TAC4: variants seen among roughly 807,000 people sequenced by gnomAD.
The protein encoded by TAC4 is tachykinin-4.
Under a neutral mutation model 17.7 loss-of-function variants are expected in TAC4, and 17 were observed. The ratio of observed to expected loss-of-function variants is 0.96; its 90% CI spans 0.66 to 1.44. The LOEUF (loss-of-function observed/expected upper bound fraction) is 1.44. TAC4 is among the 40% of genes most tolerant of loss of function. The probability of loss-of-function intolerance (pLI) is 0.00; values close to 1 mark genes in which losing one functional copy is unlikely to be tolerated. For synonymous variants in TAC4, 62 were observed against 52.4 expected, an observed-to-expected ratio of 1.18 and a Z score of -0.79; for missense variants, 118 against 125.6, an observed-to-expected ratio of 0.94 and a Z score of 0.29.
intron 2 of TAC4, 31 bp from the exon 3 acceptor site, chr17:49,841,615 G>C: frequency 6.5e-7 from 1 of 1,536,536 alleles, no homozygotes; most frequent in South Asian, 1.3e-5. Flanking sequence ...GAGGACTACG[G>C]ACTGCACTGC....
intron 3 of TAC4, among the ~76,000 whole-genome samples, chr17:49,840,925 C>T (rs2074493132): frequency 1.6e-5 from 2 of 125,798 alleles, no homozygotes; most frequent in African/African-American, 6.4e-5. Context: ...GACAGAGTCT[C>T]CCTCTGTCAC....
At chr17:49,847,848 ACTGCCGATTATCCC>A (rs2074557145) in intron 1 of TAC4, 51 bp downstream of exon 1, 2 of 1,611,800 alleles carry the variant, frequency 1.2e-6, no homozygotes, top group Non-Finnish European at 1.7e-6. Flanking sequence ...CTGCCTCTGC[ACTGCCGATTATCCC>A]CTGCCCTCGT....
intron 1 of TAC4, chr17:49,845,900 G>A (rs1328277672): frequency 1.1e-5 from 2 of 187,800 alleles, no homozygotes; most frequent in Non-Finnish European, 2.2e-5. Flanking sequence ...TCAGTGGCTG[G>A]GGCATCTATC....
rs368552027 is a variant in TAC4 at position 49,848,003 on chromosome 17, G to A, written c.15C>T (p.Leu5=). The change falls in exon 1 of 5, where the codon CTC becomes CTT. Residue 5 remains leucine, a synonymous_variant. Coordinates refer to ENST00000436235, the MANE Select transcript of TAC4 (RefSeq NM_001077506.2). The stretch of plus-strand genomic sequence containing the variant: ...ACAGCTCCATCAGGAGAAGCAGGGC[G>A]AGGCAAGGCAGCATGGTGAGCCTGC... MLPC[L]ALLLLMELSV... 4.5e-5 allele frequency: 72 copies of A among 1,614,030 alleles called. No individual in the cohort carries two copies. Among genetic ancestry groups the A allele is most frequent in the Non-Finnish European group, 5.6e-5 (66 of 1,180,030 alleles).
At chr17:49,841,901 CTTTTTTTTT>C (rs1161302297) in intron 2 of TAC4, among the ~76,000 whole-genome samples, 4 of 99,132 alleles carry the variant, frequency 4.0e-5, no homozygotes, top group Non-Finnish European at 5.9e-5. Flanking sequence ...GAGATTTAAT[CTTTTTTTTT>C]TTTTTTTTTT....
chr17:49,845,573 G>A (rs999037283), intron 1 of TAC4, among the ~76,000 whole-genome samples: 4 of 152,182 alleles, frequency 2.6e-5, no homozygotes, highest in African/African-American at 9.6e-5. Context: ...GAGAGTCTGG[G>A]AATAGGGAGG....
intron 2 of TAC4, among the ~76,000 whole-genome samples, chr17:49,842,651 T>TA (rs1240755158): frequency 1.3e-5 from 2 of 152,300 alleles, no homozygotes; most frequent in Non-Finnish European, 2.9e-5. Context: ...ATTTTTTTTT[T>TA]ATTACAAAAG....
intron 1 of TAC4, chr17:49,847,244 G>T: frequency 7.8e-7 from 1 of 1,289,724 alleles, no homozygotes. Flanking sequence ...TTATTTACCC[G>T]TCTTTGTCTC....
At chr17:49,846,993 C>T (rs1445499383) in intron 1 of TAC4, 2 of 1,290,008 alleles carry the variant, frequency 1.6e-6, no homozygotes, top group South Asian at 1.2e-5. Flanking sequence ...GCCCTGCTGC[C>T]CTCTCCTCAC....
intron 1 of TAC4, chr17:49,847,401 A>T: frequency 1.6e-6 from 1 of 629,550 alleles, no homozygotes; most frequent in Non-Finnish European, 2.3e-6. Flanking sequence ...GTCCTGTTTA[A>T]GTTGATCCCC....
intron 1 of TAC4, chr17:49,846,955 G>T (rs1223025122): frequency 7.8e-7 from 1 of 1,287,802 alleles, no homozygotes; most frequent in Non-Finnish European, 1.0e-6. Context: ...TGTCCAGAAA[G>T]AAGCAGGCAT....
At chr17:49,846,091 C>G in intron 1 of TAC4, 1 of 633,140 alleles carries the variant, frequency 1.6e-6, no homozygotes, top group Non-Finnish European at 2.3e-6. Context: ...CACTGGGTTT[C>G]TGTGCCTGGT....
At chr17:49,847,374 T>A in intron 1 of TAC4, 1 of 815,666 alleles carries the variant, frequency 1.2e-6, no homozygotes, top group East Asian at 6.4e-5. Context: ...CATTTCTACA[T>A]GTGAGACCAA....
intron 1 of TAC4, 26 bp downstream of exon 1, chr17:49,847,887 A>C (rs752081889): frequency 3.1e-6 from 5 of 1,613,258 alleles, no homozygotes; most frequent in Non-Finnish European, 4.2e-6. Context: ...GCCTCTCCCC[A>C]AAAGTACCTC....
chr17:49,846,999 C>G (rs752716780), intron 1 of TAC4: 33 of 1,289,976 alleles, frequency 2.6e-5, no homozygotes, highest in Non-Finnish European at 3.2e-5. Context: ...CTGCCCTCTC[C>G]TCACTGCACA....
chr17:49,843,978 TG>T, intron 2 of TAC4, 85 bp downstream of exon 2: 2 of 1,273,696 alleles, frequency 1.6e-6, no homozygotes, highest in Admixed American at 1.7e-5. Flanking sequence ...CCCCAGTTAC[TG>T]GGCTTTGACT....
chr17:49,846,279 T>G (rs1243723094), intron 1 of TAC4: 4 of 2,204 alleles, frequency 1.8e-3, no homozygotes, highest in Non-Finnish European at 1.8e-3. Flanking sequence ...TGTTACCTCA[T>G]TTTTTTTTTT....
rs535350155 is a variant in TAC4 at position 49,846,402 on chromosome 17, G to C, written c.105+1511C>G. Among the ~76,000 whole-genome samples the C allele has an allele frequency of 1.6e-4, 24 of 151,886 alleles. 1 individual carries two copies. The South Asian group carries it at 4.6e-3, about 29-fold the overall frequency. On this transcript the variant is annotated intron_variant, in intron 1 of 4. Coordinates refer to ENST00000436235, the MANE Select transcript of TAC4 (RefSeq NM_001077506.2). The stretch of plus-strand genomic sequence containing the variant: ...AGTGATCCTCCCGCCTCAGCCTTTT[G>C]AGTAGCTGGGGCCACAGATGTGCAT...
In TAC4 at chr17:49,841,586, TG is replaced by T; in HGVS notation, c.200-3del. 6.4e-7 allele frequency: 1 copy of T among 1,572,996 alleles called. No individual in the cohort carries two copies. Among genetic ancestry groups the T allele is most frequent in the Non-Finnish European group, 8.6e-7 (1 of 1,160,942 alleles). ...TCCTTGGCTGGATCAGAGGTCTTCC[TG>T]GGGGAAGGAGAAGGAATGAGGACTA... On this transcript the variant is annotated splice_region_variant and splice_polypyrimidine_tract_variant and intron_variant, in intron 2 of 4. Coordinates refer to ENST00000436235, the MANE Select transcript of TAC4 (RefSeq NM_001077506.2).
Sources: allele counts gnomAD v4.1 joint callset (sites outside exome capture counted in the v4.1 genomes callset), GRCh38; gene constraint gnomAD v4.1.1; transcripts MANE v1.5; gene names NCBI Gene and HGNC (gene_info 2026-07-23, HGNC 2026-07-21).